PTPRE: variants seen among roughly 807,000 people sequenced by gnomAD.
The protein encoded by PTPRE is protein tyrosine phosphatase receptor type E.
PTPRE carries 51 observed loss-of-function variants against 102.0 expected under a neutral mutation model. The ratio of observed to expected loss-of-function variants is 0.50; its 90% CI spans 0.40 to 0.63. The LOEUF is 0.63. Ranked by LOEUF, PTPRE falls within the 30% of genes least tolerant of loss-of-function variation. The pLI, the probability that PTPRE is intolerant of heterozygous loss-of-function variation, is 0.00. For missense variants in PTPRE, 752 were observed against 915.1 expected, an observed-to-expected ratio of 0.82 and a Z score of 2.30; for synonymous variants, 345 against 348.2, an observed-to-expected ratio of 0.99 and a Z score of 0.10.
intron 1 of PTPRE, among the ~76,000 whole-genome samples, chr10:127,918,116 G>A (rs1846332954): frequency 6.6e-6 from 1 of 152,152 alleles, no homozygotes; most frequent in African/African-American, 2.4e-5. Flanking sequence ...TACAAAGTAG[G>A]TGAGAATGAT....
In PTPRE at chr10:128,076,480, GT is replaced by G. The variant is rs3833746; in HGVS notation, c.1600-112del. 1,737 of 795,818 alleles carry G rather than the reference GT, an allele frequency of 2.2e-3. 2 individuals are homozygous for G. Among genetic ancestry groups the G allele is most frequent in the African/African-American group, 9.8e-3 (536 of 54,896 alleles). The allele number at this position is 795,818 out of a possible 1,614,324, so 49.3% of individuals were successfully genotyped here. A position where few individuals can be genotyped will look rare whatever the true frequency, so the allele number is the denominator to read the frequency against. ...CAGGCATTTATATTCATATTCATAT[GT>G]TTTTTTTTTTGGTCAGATGAAATAC... is the stretch of plus-strand genomic sequence containing the variant. On this transcript the variant is annotated intron_variant, in intron 17 of 20. Transcript: ENST00000254667.
intron 6 of PTPRE, among the ~76,000 whole-genome samples, chr10:128,052,509 T>C (rs974868106): frequency 6.6e-6 from 1 of 152,110 alleles, no homozygotes; most frequent in Non-Finnish European, 1.5e-5. Flanking sequence ...AGGATTGTGA[T>C]AACATGGACA....
intron 9 of PTPRE, 67 bp downstream of exon 9, chr10:128,061,782 A>C (rs1849612374): frequency 6.5e-7 from 1 of 1,532,130 alleles, no homozygotes; most frequent in South Asian, 1.2e-5. Flanking sequence ...CCTTCTCTGT[A>C]TGCCAACAAG....
intron 17 of PTPRE, 93 bp downstream of exon 17, chr10:128,073,564 T>G: frequency 6.8e-7 from 1 of 1,463,650 alleles, no homozygotes; most frequent in Non-Finnish European, 9.2e-7. Flanking sequence ...CTGCCATCAC[T>G]GCAAACACAT....
intron 2 of PTPRE, among the ~76,000 whole-genome samples, chr10:128,038,677 G>A (rs1847427879): frequency 7.7e-6 from 1 of 129,516 alleles, no homozygotes; most frequent in African/African-American, 2.8e-5. Flanking sequence ...GGAGGGGGGA[G>A]GGATAGCAAT....
At chr10:127,964,921 C>T (rs879854596) in intron 1 of PTPRE, 9 of 452,820 alleles carry the variant, frequency 2.0e-5, no homozygotes, top group Non-Finnish European at 3.5e-5. Context: ...TCAGGGAGTT[C>T]CCTGGACCCC....
Position 128,082,834 on chromosome 10 carries a change from A to G in PTPRE, c.2031A>G (p.Glu677=). 2 of 1,557,242 alleles carry G rather than the reference A, an allele frequency of 1.3e-6. No homozygotes were observed. The highest frequency in any genetic ancestry group is 1.7e-6 in the Non-Finnish European group (2 of 1,162,586). ...LQRPHMVQTL[E]QYEFCYKVVQ... ...TGTGTCCTTGTTTGTCTTTTCAGGA[A>G]CAGTATGAATTCTGCTACAAAGTGG... Residue 677 remains glutamate (E), a splice_region_variant and synonymous_variant, in exon 21 of 21, where the codon GAA becomes GAG. Transcript: ENST00000254667.
intron 6 of PTPRE, among the ~76,000 whole-genome samples, chr10:128,052,561 A>C (rs1471371383): frequency 6.6e-6 from 1 of 152,088 alleles, no homozygotes; most frequent in Non-Finnish European, 1.5e-5. Flanking sequence ...TCCTTACGAG[A>C]CCGCACTCTG....
rs951221448 is a variant in PTPRE at position 128,007,373 on chromosome 10, T to C, written c.-8+25077T>C. Among the ~76,000 whole-genome samples the C allele has an allele frequency of 5.9e-5, 9 of 152,360 alleles. No individual in the cohort carries two copies. The South Asian group carries it at 8.3e-4, about 14-fold the overall frequency. On this transcript the variant is annotated intron_variant, in intron 2 of 20. Transcript: ENST00000254667. ...AAATTAAGTTCTGAGTGGAGATGTT[T>C]AGAATCCACAAACCACACAGTATTA...
chr10:127,946,108 C>A (rs1848601197), intron 1 of PTPRE, among the ~76,000 whole-genome samples: 1 of 152,120 alleles, frequency 6.6e-6, no homozygotes, highest in Admixed American at 6.5e-5. Context: ...AGGTCAGATG[C>A]TGTGGGGTCA....
At chr10:128,080,734 A>G (rs1201630272) in intron 20 of PTPRE, among the ~76,000 whole-genome samples, 2 of 152,188 alleles carry the variant, frequency 1.3e-5, no homozygotes, top group African/African-American at 4.8e-5. Flanking sequence ...TGTGGCTGTC[A>G]TCTGTGCTCT....
chr10:128,009,380 A>C (rs1844784895), intron 2 of PTPRE, among the ~76,000 whole-genome samples: 1 of 152,224 alleles, frequency 6.6e-6, no homozygotes, highest in Non-Finnish European at 1.5e-5. Context: ...AATTCCTGAG[A>C]GATCAGGGAT....
intron 1 of PTPRE, among the ~76,000 whole-genome samples, chr10:127,955,479 T>A (rs1187239227): frequency 6.6e-6 from 1 of 152,226 alleles, no homozygotes; most frequent in Non-Finnish European, 1.5e-5. Flanking sequence ...CTCCCTATTT[T>A]GTTAAGAATA....
In PTPRE at chr10:128,008,155, G is replaced by A. The variant is rs1457052185; in HGVS notation, c.-8+25859G>A. 1.3e-5 allele frequency among the ~76,000 whole-genome samples: 2 copies of A among 152,128 alleles called. No homozygotes were observed. The highest frequency in any genetic ancestry group is 1.5e-5 in the Non-Finnish European group (1 of 68,000). On this transcript the variant is annotated intron_variant, in intron 2 of 20. Coordinates refer to ENST00000254667, the MANE Select transcript of PTPRE (RefSeq NM_006504.6). This position sits in a 1 kb window ranked among gnomAD's most constrained non-coding sequence, Gnocchi z 4.0. ...CCCTGCCCAGGGTACATGCCCCTGG[G>A]AAAACTGCCCAAGGGAAACAGTGCA...
intron 15 of PTPRE, chr10:128,071,925 AT>A (rs1362883238): frequency 3.8e-6 from 2 of 531,200 alleles, no homozygotes; most frequent in Non-Finnish European, 6.7e-6. Flanking sequence ...AATGAAAATG[AT>A]AATTGGGTGG....
chr10:127,974,824 A>G (rs939270223), intron 1 of PTPRE, among the ~76,000 whole-genome samples: 3 of 152,344 alleles, frequency 2.0e-5, no homozygotes, highest in African/African-American at 7.2e-5. Context: ...AATTAGCCAC[A>G]GATGCTCTGT....
intron 3 of PTPRE, among the ~76,000 whole-genome samples, chr10:128,043,755 A>G (rs1203593002): frequency 6.6e-6 from 1 of 152,204 alleles, no homozygotes; most frequent in African/African-American, 2.4e-5. Flanking sequence ...TGTCCATCCT[A>G]TTTTGGTCTA....
At chr10:127,945,070 A>G (rs1255075307) in intron 1 of PTPRE, among the ~76,000 whole-genome samples, 2 of 152,202 alleles carry the variant, frequency 1.3e-5, no homozygotes, top group South Asian at 4.1e-4. Flanking sequence ...GGATCTGTTT[A>G]TAAGCCTATC....
chr10:127,966,302 C>G (rs56353229), intron 1 of PTPRE, among the ~76,000 whole-genome samples: 2 of 152,132 alleles, frequency 1.3e-5, no homozygotes, highest in African/African-American at 4.8e-5. Flanking sequence ...AATTGCATGA[C>G]AGTTACTGAT....
Sources: gnomAD v4.1 joint callset for allele counts (sites outside exome capture counted in the v4.1 genomes callset) on GRCh38, gnomAD v4.1.1 for gene constraint, Gnocchi (gnomAD v3.1) non-coding constraint, MANE v1.5 for transcripts, NCBI Gene and HGNC (gene_info 2026-07-23, HGNC 2026-07-21) for gene names.